The following ADAD1 variants were observed in gnomAD, a reference collection of about 807,000 sequenced individuals.
The protein encoded by ADAD1 is adenosine deaminase domain containing 1, also known as adenosine deaminase domain-containing protein 1.
A neutral mutation model predicts 66.8 loss-of-function variants in ADAD1; 46 were observed. That is an observed-to-expected ratio of 0.69 (90% CI 0.54 to 0.88). ADAD1 has a LOEUF of 0.88. Ranked by LOEUF, ADAD1 falls within the 40% of genes least tolerant of loss-of-function variation. ADAD1 has a pLI of 0.00. For missense variants in ADAD1, 617 were observed against 681.8 expected (o/e 0.91, Z 1.06); for synonymous variants, 248 against 229.4 (o/e 1.08, Z -0.73).
intron 2 of ADAD1, 68 bp downstream of exon 2, chr4:122,379,513 C>T (rs1280787947): frequency 2.0e-5 from 3 of 152,518 alleles, no homozygotes; most frequent in East Asian, 1.9e-4. Context: ...CGCGAGGCCT[C>T]TTTTGAAAGA....
intron 4 of ADAD1, among the ~76,000 whole-genome samples, chr4:122,381,799 A>G (rs1399629539): frequency 6.6e-6 from 1 of 152,234 alleles, no homozygotes; most frequent in East Asian, 1.9e-4. Context: ...AGTGCTCTTA[A>G]GAGGCATTGA....
intron 5 of ADAD1, among the ~76,000 whole-genome samples, chr4:122,386,159 A>G (rs1254359750): frequency 6.6e-6 from 1 of 152,126 alleles, no homozygotes; most frequent in African/African-American, 2.4e-5. Flanking sequence ...ATTCCCACCA[A>G]TAGTATAAAA....
chr4:122,384,993 A>G (rs1446754432), intron 5 of ADAD1, among the ~76,000 whole-genome samples: 1 of 152,204 alleles, frequency 6.6e-6, no homozygotes, highest in Non-Finnish European at 1.5e-5. Flanking sequence ...TGAAAAAATA[A>G]TAAGGTCATC....
chr4:122,387,871 T>C (rs1795250594), intron 5 of ADAD1, among the ~76,000 whole-genome samples: 1 of 151,864 alleles, frequency 6.6e-6, no homozygotes, highest in South Asian at 2.1e-4. Flanking sequence ...GCCATTCTCC[T>C]GCCTGAGCCT....
chr4:122,423,540 A>G (rs17005728), intron 12 of ADAD1, among the ~76,000 whole-genome samples: 37,848 of 152,176 alleles, frequency 0.25, 5,717 homozygotes, highest in Middle Eastern at 0.51. Context: ...AAGTTTTACA[A>G]AGGCTTAATG....
At chr4:122,408,892 A>G (rs990031477) in intron 8 of ADAD1, among the ~76,000 whole-genome samples, 2 of 152,048 alleles carry the variant, frequency 1.3e-5, no homozygotes, top group Non-Finnish European at 2.9e-5. Context: ...CAAAAAAAAA[A>G]AAATCCTACA....
intron 2 of ADAD1, chr4:122,379,816 C>T (rs1475476850): frequency 4.0e-5 from 16 of 400,470 alleles, no homozygotes; most frequent in Non-Finnish European, 6.6e-5. Flanking sequence ...ACAGGGACCT[C>T]TCTCTGTTCC....
At chr4:122,382,395 G>A (rs1484610066) in intron 4 of ADAD1, among the ~76,000 whole-genome samples, 2 of 152,178 alleles carry the variant, frequency 1.3e-5, no homozygotes, top group Non-Finnish European at 2.9e-5. Context: ...GTTATAAACA[G>A]GCTGAAGCTT....
rs749924657 is a variant in ADAD1 at position 122,403,248 on chromosome 4, A to ATT, written c.725-4659_725-4658dup. ...TTTTCCTGAGAGCCAGACTGCAGTG[A>ATT]TTATTATTGCCCTTCTGGGTGTAGC... On this transcript the variant is annotated intron_variant, in intron 7 of 12. Transcript: ENST00000296513. 1.1e-4 allele frequency among the ~76,000 whole-genome samples: 16 copies of ATT among 151,936 alleles called. No homozygotes were observed. The South Asian group carries it at 3.1e-3, about 30-fold the overall frequency.
Position 122,428,556 on chromosome 4 carries a change from A to G in ADAD1, c.1618-1070A>G, listed in dbSNP as rs138135966. Among the ~76,000 whole-genome samples, 764 of 152,358 alleles carry G rather than the reference A, an allele frequency of 5.0e-3. 7 individuals are homozygous for G. Among genetic ancestry groups the G allele is most frequent in the African/African-American group, 0.018 (737 of 41,584 alleles). ...TGTTATACCCCTACAATGGAATATTATACCCCTGCAATGGAATATTAATCA... is the reference window on the plus strand; with the variant it reads ...TGTTATACCCCTACAATGGAATATTGTACCCCTGCAATGGAATATTAATCA... On this transcript the variant is annotated intron_variant, in intron 12 of 12. Coordinates refer to ENST00000296513, the MANE Select transcript of ADAD1 (RefSeq NM_139243.4).
intron 5 of ADAD1, among the ~76,000 whole-genome samples, chr4:122,388,012 G>T (rs565245554): frequency 6.6e-6 from 1 of 152,244 alleles, no homozygotes; most frequent in South Asian, 2.1e-4. Context: ...ACCCGCCTTG[G>T]CCTACCAGAG....
At chr4:122,396,203 C>G in intron 6 of ADAD1, 49 bp from the exon 7 acceptor site, 3 of 1,498,740 alleles carry the variant, frequency 2.0e-6, no homozygotes, top group Non-Finnish European at 1.8e-6. Flanking sequence ...TAAGACAGCT[C>G]TAGGAGGAGC....
intron 7 of ADAD1, among the ~76,000 whole-genome samples, chr4:122,403,113 G>T (rs540549624): frequency 6.6e-6 from 1 of 152,148 alleles, no homozygotes; most frequent in Non-Finnish European, 1.5e-5. Context: ...CTCATTTGGG[G>T]AGACTGTTTC....
chr4:122,380,841 T>C (rs1008356237), intron 3 of ADAD1, 151 bp from the exon 4 acceptor site: 1 of 701,064 alleles, frequency 1.4e-6, no homozygotes, highest in South Asian at 2.2e-5. Context: ...GTGCTTGTCA[T>C]GTGTGCCAAA....
chr4:122,388,741 T>C (rs984847671), intron 5 of ADAD1, among the ~76,000 whole-genome samples: 4 of 152,292 alleles, frequency 2.6e-5, no homozygotes, highest in Non-Finnish European at 4.4e-5. Context: ...TTATTGTGTC[T>C]ATTTGATTCT....
intron 4 of ADAD1, among the ~76,000 whole-genome samples, chr4:122,382,785 A>G (rs376732361): frequency 6.6e-5 from 10 of 152,224 alleles, no homozygotes; most frequent in African/African-American, 2.4e-4. Flanking sequence ...TCTCTGATTT[A>G]GTAAACCTGG....
intron 7 of ADAD1, among the ~76,000 whole-genome samples, chr4:122,405,613 GACA>G (rs1796172005): frequency 6.6e-6 from 1 of 151,954 alleles, no homozygotes; most frequent in Non-Finnish European, 1.5e-5. Flanking sequence ...CCACAATATT[GACA>G]ACAAATTTCA....
rs1289881822 is a variant in ADAD1, at chr4:122,407,888, T to C, written c.725-20T>C. ...GAGAGAGGTTAAATTAACCTGCTACTGTCTACCTTTTTCTTTCAGCTGGAC... is the reference window on the plus strand; with the variant it reads ...GAGAGAGGTTAAATTAACCTGCTACCGTCTACCTTTTTCTTTCAGCTGGAC... On this transcript the variant is annotated intron_variant, in intron 7 of 12. Transcript: ENST00000296513. 6.2e-7 allele frequency: 1 copy of C among 1,610,934 alleles called. No individual in the cohort carries two copies.
intron 5 of ADAD1, 71 bp from the exon 6 acceptor site, chr4:122,393,518 G>T: frequency 7.2e-7 from 1 of 1,397,422 alleles, no homozygotes; most frequent in Non-Finnish European, 9.6e-7. Context: ...TTTTATTACA[G>T]AATAAAAGAA....
Sources: gnomAD v4.1 joint callset for allele counts (sites outside exome capture counted in the v4.1 genomes callset) on GRCh38, gnomAD v4.1.1 for gene constraint, MANE v1.5 for transcripts, NCBI Gene and HGNC (gene_info 2026-07-23, HGNC 2026-07-21) for gene names.